LRBA: variants seen among roughly 807,000 people sequenced by gnomAD.
LRBA encodes the protein LPS responsive beige-like anchor protein, also known as lipopolysaccharide-responsive and beige-like anchor protein.
LRBA carries 176 observed loss-of-function variants against 330.0 expected under a neutral mutation model. The observed-to-expected ratio is 0.53, with a 90% confidence interval of 0.47 to 0.60. The LOEUF (loss-of-function observed/expected upper bound fraction) is 0.60. LRBA is among the 20% of genes least tolerant of loss of function. LRBA has a pLI of 0.00. For missense variants in LRBA, 3,259 were observed against 3,444.8 expected (o/e 0.95, Z 1.35); for synonymous variants, 1,230 against 1,193.0 (o/e 1.03, Z -0.64).
At chr4:150,358,632 T>C (rs994690783) in intron 47 of LRBA, among the ~76,000 whole-genome samples, 1 of 152,128 alleles carries the variant, frequency 6.6e-6, no homozygotes, top group Non-Finnish European at 1.5e-5. Context: ...TAGACATAAG[T>C]AATTAAAATA....
rs150426498 is a variant in LRBA, at chr4:150,758,870, T to C, written c.5645+2913A>G. Reference sequence around the variant, plus strand: ...AATTACAGACAGAAGCCACTGCTTCTGGCTATCTCTTCACTTCTATCCTTA... The same window carrying C: ...AATTACAGACAGAAGCCACTGCTTCCGGCTATCTCTTCACTTCTATCCTTA... On this transcript the variant is annotated intron_variant, in intron 35 of 56. Transcript: ENST00000651943. 9.9e-4 allele frequency among the ~76,000 whole-genome samples: 151 copies of C among 151,880 alleles called. 3 individuals carry two copies. Among genetic ancestry groups the C allele is most frequent in the African/African-American group, 3.6e-3 (148 of 41,424 alleles).
At chr4:150,580,002 C>T (rs537277611) in intron 40 of LRBA, 1 of 301,164 alleles carries the variant, frequency 3.3e-6, no homozygotes, top group African/African-American at 2.3e-5. Context: ...CCCGGCAGCG[C>T]AGTGCCCTCC....
chr4:150,916,302 T>C, intron 7 of LRBA, 99 bp downstream of exon 7: 1 of 1,201,418 alleles, frequency 8.3e-7, no homozygotes, highest in Non-Finnish European at 1.2e-6. Flanking sequence ...AAAACGAAGT[T>C]GTGCTTTAGC....
In LRBA at chr4:150,351,437, C is replaced by T. The variant is rs184517642; in HGVS notation, c.7195-1278G>A. On this transcript the variant is annotated intron_variant, in intron 47 of 56. Coordinates refer to ENST00000651943, the MANE Select transcript of LRBA (RefSeq NM_001364905.1). ...GGGCACGGTGGTTCATGCCTGTAATCCCAGCACTTTGGGAGGCTGAGGTGG... is the reference window on the plus strand; with the variant it reads ...GGGCACGGTGGTTCATGCCTGTAATTCCAGCACTTTGGGAGGCTGAGGTGG... Among the ~76,000 whole-genome samples, 3 of 152,214 alleles carry T rather than the reference C, an allele frequency of 2.0e-5. No homozygotes were observed. The East Asian group carries it at 5.8e-4, about 29-fold the overall frequency.
intron 56 of LRBA, among the ~76,000 whole-genome samples, chr4:150,274,494 T>C (rs11734494): frequency 0.09 from 13,730 of 152,060 alleles, 932 homozygotes; most frequent in South Asian, 0.23. Context: ...ACCCTTCAGA[T>C]CAATGAATCC....
At chr4:150,551,350 G>T (rs1766566974) in intron 40 of LRBA, among the ~76,000 whole-genome samples, 2 of 152,134 alleles carry the variant, frequency 1.3e-5, no homozygotes, top group African/African-American at 4.8e-5. Flanking sequence ...ATATCAACTT[G>T]TGTATGGATA....
chr4:150,831,691 T>C (rs2126826025), intron 29 of LRBA, 126 bp downstream of exon 29: 1 of 597,324 alleles, frequency 1.7e-6, no homozygotes, highest in Admixed American at 4.2e-5. Context: ...ATAATAAAAA[T>C]ATATGTATGC....
intron 41 of LRBA, among the ~76,000 whole-genome samples, chr4:150,490,685 C>T (rs901684792): frequency 5.3e-5 from 8 of 151,644 alleles, no homozygotes; most frequent in African/African-American, 1.9e-4. Context: ...GTTTATAAAG[C>T]CTTATATCAA....
At chr4:150,837,779 T>C (rs967994158) in intron 28 of LRBA, among the ~76,000 whole-genome samples, 2 of 152,252 alleles carry the variant, frequency 1.3e-5, no homozygotes, top group Admixed American at 6.5e-5. Context: ...TTGGAGCATT[T>C]AGCCCATTTA....
intron 2 of LRBA, among the ~76,000 whole-genome samples, chr4:150,993,686 G>T (rs563486681): frequency 1.3e-5 from 2 of 152,276 alleles, no homozygotes; most frequent in South Asian, 4.1e-4. Flanking sequence ...GGTGGCAAGA[G>T]AAAAAGAGGA....
chr4:150,622,655 CGGTG>C (rs1776410897), intron 37 of LRBA, among the ~76,000 whole-genome samples: 1 of 149,302 alleles, frequency 6.7e-6, no homozygotes. Context: ...CAGATGGAAA[CGGTG>C]GGTGAAGACA....
chr4:150,451,949 GA>G (rs1753399158), intron 44 of LRBA, among the ~76,000 whole-genome samples: 1 of 152,096 alleles, frequency 6.6e-6, no homozygotes, highest in African/African-American at 2.4e-5. Flanking sequence ...AACCTTCCCA[GA>G]AACAAAACTC....
At chr4:151,009,953 A>C (rs1051339111) in intron 2 of LRBA, among the ~76,000 whole-genome samples, 37 of 151,986 alleles carry the variant, frequency 2.4e-4, no homozygotes, top group Non-Finnish European at 3.1e-4. Context: ...GCACTCCAGC[A>C]TGGGGGACAG....
chr4:150,756,806 G>A (rs954093794), intron 35 of LRBA, among the ~76,000 whole-genome samples: 4 of 152,116 alleles, frequency 2.6e-5, no homozygotes, highest in Admixed American at 2.6e-4. Context: ...GCATCACAGA[G>A]ACTCTAAAAG....
At chr4:150,308,243 G>A (rs1207168956) in intron 52 of LRBA, among the ~76,000 whole-genome samples, 2 of 152,066 alleles carry the variant, frequency 1.3e-5, no homozygotes, top group Non-Finnish European at 2.9e-5. Flanking sequence ...GGTCAACGAT[G>A]GACCACATAT....
chr4:150,739,147 T>G (rs1450774794), intron 35 of LRBA, among the ~76,000 whole-genome samples: 2 of 152,090 alleles, frequency 1.3e-5, no homozygotes, highest in Non-Finnish European at 2.9e-5. Flanking sequence ...ACCTGTTAAA[T>G]TAATAAAAGG....
At chr4:150,870,655 T>A in intron 19 of LRBA, 49 bp from the exon 20 acceptor site, 1 of 856,280 alleles carries the variant, frequency 1.2e-6, no homozygotes, top group Non-Finnish European at 2.0e-6. Context: ...TGGATTAGCA[T>A]CACTATTAAT....
At chr4:150,292,360 A>T (rs1237012446) in intron 53 of LRBA, among the ~76,000 whole-genome samples, 1 of 152,222 alleles carries the variant, frequency 6.6e-6, no homozygotes, top group Admixed American at 6.5e-5. Context: ...TTTTGGCGTC[A>T]TCTCCTTACT....
In LRBA at chr4:150,735,450, G is replaced by A; in HGVS notation, c.5646-84C>T. 1.7e-5 allele frequency: 15 copies of A among 860,476 alleles called. No individual in the cohort carries two copies. The South Asian group carries it at 2.0e-4, about 12-fold the overall frequency. 53.3% of individuals were successfully genotyped at this position (860,476 alleles called of 1,614,324 possible). The stretch of plus-strand genomic sequence containing the variant: ...ATTCACTGCTTACGGTGGAGAGGAA[G>A]GAATACTTACTTTCTTCTTTTGACA... On this transcript the variant is annotated intron_variant, in intron 35 of 56. Coordinates refer to ENST00000651943, the MANE Select transcript of LRBA (RefSeq NM_001364905.1).
Sources: allele counts gnomAD v4.1 joint callset (sites outside exome capture counted in the v4.1 genomes callset), GRCh38; gene constraint gnomAD v4.1.1; transcripts MANE v1.5; gene names NCBI Gene and HGNC (gene_info 2026-07-23, HGNC 2026-07-21).